YLPM1: variants seen among roughly 807,000 people sequenced by gnomAD.
YLPM1 encodes YLP motif containing 1, also known as YLP motif-containing protein 1.
In YLPM1, 99 loss-of-function variants were observed where a neutral mutation model predicts 230.0. The ratio of observed to expected loss-of-function variants is 0.43; its 90% confidence interval spans 0.37 to 0.51. YLPM1 has a LOEUF of 0.51. Ranked by LOEUF, YLPM1 falls within the 20% of genes least tolerant of loss-of-function variation. YLPM1 has a pLI of 0.00. For missense variants in YLPM1, 2,592 were observed against 2,707.7 expected (o/e 0.96, Z 0.95); for synonymous variants, 984 against 942.5 (o/e 1.04, Z -0.81).
rs187862637 is a variant in YLPM1, at chr14:74,780,660, G to A, written c.1290+76G>A. On this transcript the variant is annotated intron_variant, in intron 3 of 20. Transcript: ENST00000325680. ...GATTTGTTATTCTTGAAAGATTTAA[G>A]TGTAAAAAACAAAAGATACCAACTG... 1.9e-4 allele frequency: 284 copies of A among 1,498,998 alleles called. No individual in the cohort carries two copies. In the African/African-American group the frequency reaches 3.8e-3, roughly 20 times the overall value. The allele number at this position is 1,498,998 out of a possible 1,614,324, so 92.9% of individuals were successfully genotyped here.
intron 1 of YLPM1, among the ~76,000 whole-genome samples, chr14:74,770,732 T>G (rs575033051): frequency 5.3e-4 from 80 of 152,268 alleles, no homozygotes; most frequent in Non-Finnish European, 1.0e-3. Context: ...AGGTATGAAC[T>G]AGATCAGGGA....
In YLPM1 at chr14:74,824,757, G is replaced by A. The variant is rs146095846; in HGVS notation, c.6163+450G>A. Among the ~76,000 whole-genome samples the A allele has an allele frequency of 8.4e-3, 1,276 of 152,134 alleles. 6 individuals carry two copies. Among genetic ancestry groups the A allele is most frequent in the Middle Eastern group, 0.02 (6 of 294 alleles). ...TTGTATAATAAATGAGAGTTTCTGA[G>A]TAGAGAGGAGTAGATATATAATTCA... is the stretch of plus-strand genomic sequence containing the variant. On this transcript the variant is annotated intron_variant, in intron 18 of 20. Transcript: ENST00000325680.
intron 4 of YLPM1, among the ~76,000 whole-genome samples, chr14:74,786,479 A>G (rs1337563560): frequency 6.6e-6 from 1 of 151,986 alleles, no homozygotes; most frequent in Non-Finnish European, 1.5e-5. Context: ...TACCCCAAAG[A>G]TAACTGCTAT....
In YLPM1 at chr14:74,781,408, G is replaced by C; in HGVS notation, c.1365G>C (p.Trp455Cys). The change falls in exon 4 of 21, where the codon TGG (tryptophan) becomes TGC (cysteine). Residue 455 changes from tryptophan (W) to cysteine (C), a missense_variant. Physicochemically the swap from Trp to Cys is radical, Grantham distance 215. Coordinates refer to ENST00000325680, the MANE Select transcript of YLPM1 (RefSeq NM_019589.3). ...QQQFQHLYQE[W>C]EREFQLWEEQ... is the part of the protein sequence containing the mutation. ...AGTTTCAACATCTTTACCAAGAATG[G>C]GAGCGAGAGTTTCAGCTATGGGAGG... 1.9e-6 allele frequency: 3 copies of C among 1,601,510 alleles called. No individual in the cohort carries two copies. Among genetic ancestry groups the C allele is most frequent in the Non-Finnish European group, 2.6e-6 (3 of 1,173,396 alleles).
chr14:74,798,439 G>C lies in YLPM1; in HGVS notation c.3142G>C (p.Gly1048Arg), dbSNP rs1300846244. Residue 1048 changes from glycine (G) to arginine (R), a missense_variant, in exon 5 of 21, where the codon GGC (glycine) becomes CGC (arginine). Coordinates refer to ENST00000325680, the MANE Select transcript of YLPM1 (RefSeq NM_019589.3). ...NRGRGQAISR[G>R]PGLVKQEDFR... The stretch of plus-strand genomic sequence containing the variant: ...AGGTCGCGGCCAGGCAATCAGTCGA[G>C]GCCCAGGATTGGTCAAGCAAGAAGA... 1 of 1,613,840 alleles carries C rather than the reference G, an allele frequency of 6.2e-7. No individual in the cohort carries two copies. Among genetic ancestry groups the C allele is most frequent in the Non-Finnish European group, 8.5e-7 (1 of 1,179,894 alleles).
chr14:74,765,168 T>G (rs1443167519), intron 1 of YLPM1, among the ~76,000 whole-genome samples: 1 of 152,140 alleles, frequency 6.6e-6, no homozygotes, highest in African/African-American at 2.4e-5. Context: ...ACAGACAAAT[T>G]GACAGGGTAA....
intron 1 of YLPM1, among the ~76,000 whole-genome samples, chr14:74,767,263 C>A (rs150474257): frequency 6.6e-6 from 1 of 152,298 alleles, no homozygotes; most frequent in Non-Finnish European, 1.5e-5. Context: ...CTGATCCGTT[C>A]AGATTTCCTT....
chr14:74,835,280 C>A lies in YLPM1; in HGVS notation c.6310C>A (p.Leu2104Met), dbSNP rs771912228. 26 of 1,613,444 alleles carry A rather than the reference C, an allele frequency of 1.6e-5. No homozygotes were observed. Among genetic ancestry groups the A allele is most frequent in the South Asian group, 4.4e-5 (4 of 91,080 alleles). The stretch of plus-strand genomic sequence containing the variant: ...TTCTTTTTAGGTCAGATGGGCAGAC[C>A]TGGAAGAGAAGAAGGATGCAGATAG... The part of the protein sequence containing the change: ...PGKKRVRWAD[L>M]EEKKDADRKR... Residue 2104 changes from leucine to methionine, a missense_variant, in exon 20 of 21, where the codon CTG (leucine) becomes ATG (methionine). Leu to Met is a conservative substitution (Grantham distance 15). Around this residue, in one of 4 missense-constraint regions of YLPM1, gnomAD observed 315 missense variants for 429.3 expected, o/e 0.73. Transcript: ENST00000325680.
intron 11 of YLPM1, among the ~76,000 whole-genome samples, chr14:74,813,897 A>C (rs1303269386): frequency 6.6e-6 from 1 of 152,210 alleles, no homozygotes; most frequent in Non-Finnish European, 1.5e-5. Flanking sequence ...GTATAAGATC[A>C]TGTCATCTGC....
chr14:74,796,198 C>G (rs1323062020), intron 4 of YLPM1, among the ~76,000 whole-genome samples: 1 of 152,226 alleles, frequency 6.6e-6, no homozygotes, highest in Non-Finnish European at 1.5e-5. Context: ...CATACACAAT[C>G]TTCTGGAGAG....
At chr14:74,789,408 G>A (rs553557022) in intron 4 of YLPM1, among the ~76,000 whole-genome samples, 56 of 152,004 alleles carry the variant, frequency 3.7e-4, no homozygotes, top group African/African-American at 1.3e-3. Context: ...GTACAGATGG[G>A]GTTTCACTGT....
In YLPM1 at chr14:74,824,982, ATT is replaced by A. The variant is rs1318098820; in HGVS notation, c.6163+680_6163+681del. On this transcript the variant is annotated intron_variant, in intron 18 of 20. Coordinates refer to ENST00000325680, the MANE Select transcript of YLPM1 (RefSeq NM_019589.3). ...TATTTGTTGGTGAAAACTGCAAAAT[ATT>A]TTTTCAGTTTTACTTCGCTTAAAGA... is the stretch of plus-strand genomic sequence containing the variant. Among the ~76,000 whole-genome samples the A allele has an allele frequency of 1.3e-5, 2 of 152,098 alleles. 1 individual carries two copies. Among genetic ancestry groups the A allele is most frequent in the South Asian group, 4.1e-4 (2 of 4,828 alleles).
rs1243464816 is a variant in YLPM1, at chr14:74,804,363, C to G, written c.4521+1687C>G. Among the ~76,000 whole-genome samples, 3 of 152,288 alleles carry G rather than the reference C, an allele frequency of 2.0e-5. No individual in the cohort carries two copies. The East Asian group carries it at 5.8e-4, about 29-fold the overall frequency. On this transcript the variant is annotated intron_variant, in intron 6 of 20. Coordinates refer to ENST00000325680, the MANE Select transcript of YLPM1 (RefSeq NM_019589.3). The stretch of plus-strand genomic sequence containing the variant: ...ATGCCTTCAGGATGAAATTTAGAAT[C>G]TCTTGCATGACTTTCTTGTTCTTCC...
chr14:74,795,608 C>T (rs1248725035), intron 4 of YLPM1, among the ~76,000 whole-genome samples: 1 of 152,222 alleles, frequency 6.6e-6, no homozygotes, highest in Non-Finnish European at 1.5e-5. Context: ...ATCCCCTCCT[C>T]TACATTCTCA....
chr14:74,809,277 GT>G (rs1555368247), intron 6 of YLPM1, 102 bp from the exon 7 acceptor site: 27 of 1,456,724 alleles, frequency 1.9e-5, no homozygotes, highest in Non-Finnish European at 2.7e-6. Flanking sequence ...AGTCCAAGGT[GT>G]TAACTTTTTT....
chr14:74,797,612 G>T lies in YLPM1; in HGVS notation c.2315G>T (p.Gly772Val). The change falls in exon 5 of 21, where the codon GGG (glycine) becomes GTG (valine). Residue 772 changes from glycine (G) to valine (V), a missense_variant. By Grantham distance (109) the Gly-to-Val change is moderately radical. Coordinates refer to ENST00000325680, the MANE Select transcript of YLPM1 (RefSeq NM_019589.3). ...GGTCCTCGAAGATTTGAGGATTTAGGGTCAAGGTGTGAAGGACCGAGACCC... is the reference window on the plus strand; with the variant it reads ...GGTCCTCGAAGATTTGAGGATTTAGTGTCAAGGTGTGAAGGACCGAGACCC... ...FDGPRRFEDL[G>V]SRCEGPRPKG... 6.6e-7 allele frequency: 1 copy of T among 1,515,426 alleles called. No individual in the cohort carries two copies. The highest frequency in any genetic ancestry group is 8.8e-7 in the Non-Finnish European group (1 of 1,132,670). 93.9% of individuals were successfully genotyped at this position (1,515,426 alleles called of 1,614,324 possible).
intron 17 of YLPM1, chr14:74,821,584 T>G (rs943236925): frequency 3.3e-5 from 5 of 152,574 alleles, no homozygotes; most frequent in African/African-American, 1.2e-4. Context: ...GGGTTGCCAC[T>G]GGCTGCTAGA....
At position 74,812,615 on chromosome 14, in the gene YLPM1, G is replaced by T. The variant is rs980517708; in HGVS notation, c.5348-13G>T. The T allele has an allele frequency of 2.5e-6, 4 of 1,606,444 alleles. No homozygotes were observed. The highest frequency in any genetic ancestry group is 3.4e-6 in the Non-Finnish European group (4 of 1,176,520). On this transcript the variant is annotated splice_polypyrimidine_tract_variant and intron_variant, in intron 10 of 20. Transcript: ENST00000325680. The stretch of plus-strand genomic sequence containing the variant: ...CTACAAATAGTAATTTTGTTCAACT[G>T]CTGGAATCCTAGGAGAACGAAGGAC...
intron 1 of YLPM1, among the ~76,000 whole-genome samples, chr14:74,773,039 G>A (rs1000219731): frequency 2.6e-5 from 4 of 151,908 alleles, no homozygotes; most frequent in South Asian, 2.1e-4. Flanking sequence ...TGTAATCCCA[G>A]CACTTTGGGA....
Sources: allele counts gnomAD v4.1 joint callset (sites outside exome capture counted in the v4.1 genomes callset), GRCh38; gene constraint gnomAD v4.1.1; regional missense constraint gnomAD v4.1.1; transcripts MANE v1.5; gene names NCBI Gene and HGNC (gene_info 2026-07-23, HGNC 2026-07-21).